ASPH: variants seen among roughly 807,000 people sequenced by gnomAD.
ASPH encodes the protein aspartate beta-hydroxylase.
Under a neutral mutation model 118.4 loss-of-function variants are expected in ASPH, and 100 were observed. The observed-to-expected ratio is 0.84, with a 90% CI of 0.72 to 1.00. The LOEUF is 1.00. Among genes scored for constraint, ASPH ranks in the 50% least tolerant of loss-of-function variants. The pLI, the probability that ASPH is intolerant of heterozygous loss-of-function variation, is 0.00. For missense variants in ASPH, 920 were observed against 919.5 expected (o/e 1.00, Z -0.01); for synonymous variants, 315 against 325.6 (o/e 0.97, Z 0.35).
intron 1 of ASPH, among the ~76,000 whole-genome samples, chr8:61,700,124 G>A (rs1489183863): frequency 2.0e-5 from 3 of 152,226 alleles, no homozygotes; most frequent in African/African-American, 7.2e-5. Context: ...AGGCCCAGGG[G>A]ATTGAGGGTG....
At chr8:61,648,558 GA>G (rs1809249522) in intron 5 of ASPH, among the ~76,000 whole-genome samples, 1 of 152,082 alleles carries the variant, frequency 6.6e-6, no homozygotes, top group Non-Finnish European at 1.5e-5. Flanking sequence ...TCTATCCAGT[GA>G]AATCTGATGA....
intron 13 of ASPH, among the ~76,000 whole-genome samples, chr8:61,629,605 C>G (rs967343360): frequency 6.6e-6 from 1 of 152,200 alleles, no homozygotes; most frequent in Admixed American, 6.5e-5. Flanking sequence ...ACAGCACTTA[C>G]AAATTTATAA....
At chr8:61,576,650 A>G in intron 16 of ASPH, 122 bp downstream of exon 16, 1 of 789,618 alleles carries the variant, frequency 1.3e-6, no homozygotes, top group Non-Finnish European at 2.0e-6. Context: ...GCTTATGCAT[A>G]TACATGAGAA....
intron 18 of ASPH, among the ~76,000 whole-genome samples, chr8:61,558,934 A>G (rs1828849290): frequency 6.6e-6 from 1 of 152,104 alleles, no homozygotes; most frequent in South Asian, 2.1e-4. Context: ...TCCTCGGCCT[A>G]GTTAAGGTGA....
At position 61,501,197 on chromosome 8, in the gene ASPH, CATAGATAGGTAAGA is replaced by C. The variant is rs1292004529; in HGVS notation, c.*2148_*2161del. On this transcript the variant is annotated 3_prime_UTR_variant, in exon 25 of 25. Transcript: ENST00000379454. ...GAAACACTTTTCTTATGTACCAAGA[CATAGATAGGTAAGA>C]GAAATAAAGAATTGAAGTGAATTAG... is the stretch of plus-strand genomic sequence containing the variant. 6.6e-6 allele frequency: 1 copy of C among 152,046 alleles called. No homozygotes were observed. The highest frequency in any genetic ancestry group is 1.5e-5 in the Non-Finnish European group (1 of 67,990). 9.4% of individuals were successfully genotyped at this position (152,046 alleles called of 1,614,324 possible). A position where few individuals can be genotyped will look rare whatever the true frequency, so the allele number is the denominator to read the frequency against.
intron 24 of ASPH, among the ~76,000 whole-genome samples, chr8:61,509,750 C>T (rs1212854072): frequency 5.9e-5 from 9 of 152,070 alleles, no homozygotes; most frequent in African/African-American, 2.2e-4. Context: ...TTTCCCCTAC[C>T]TCTCCAGTTC....
intron 1 of ASPH, among the ~76,000 whole-genome samples, chr8:61,706,427 AAAGAAGAAG>A (rs1215822515): frequency 2.4e-3 from 209 of 86,130 alleles, no homozygotes; most frequent in Non-Finnish European, 3.7e-3. Flanking sequence ...AAAAAAAAAA[AAAGAAGAAG>A]AAGAAGAAGA....
chr8:61,574,266 C>A (rs112883838), intron 16 of ASPH, among the ~76,000 whole-genome samples: 11,541 of 152,134 alleles, frequency 0.076, 1,221 homozygotes, highest in African/African-American at 0.24. Flanking sequence ...TAAATTAGTT[C>A]GACCATTGTG....
chr8:61,506,807 A>G (rs1462206909), intron 24 of ASPH, among the ~76,000 whole-genome samples: 1 of 152,234 alleles, frequency 6.6e-6, no homozygotes, highest in Non-Finnish European at 1.5e-5. Flanking sequence ...GTGGTATGTT[A>G]TCAAAAATGA....
At chr8:61,609,147 TA>T (rs1389851925) in intron 14 of ASPH, among the ~76,000 whole-genome samples, 1 of 152,170 alleles carries the variant, frequency 6.6e-6, no homozygotes, top group Non-Finnish European at 1.5e-5. Context: ...CATGCCCTGC[TA>T]CCTTCATCCT....
chr8:61,663,526 A>G lies in ASPH; in HGVS notation c.323-9866T>C. On this transcript the variant is annotated intron_variant, in intron 3 of 24. Transcript: ENST00000379454. ...CTTAGGAAGTGAGCTAAGAGGAAAA[A>G]GAACTCTGATTCCAGGTCTAGACTT... 3 of 985,414 alleles carry G rather than the reference A, an allele frequency of 3.0e-6. No homozygotes were observed. In the South Asian group the frequency reaches 1.4e-4, roughly 46 times the overall value. The allele number at this position is 985,414 out of a possible 1,614,324, so 61.0% of individuals were successfully genotyped here.
intron 13 of ASPH, among the ~76,000 whole-genome samples, chr8:61,620,441 C>A (rs1377761312): frequency 1.3e-5 from 2 of 151,660 alleles, no homozygotes; most frequent in African/African-American, 2.4e-5. Flanking sequence ...ATAGGGTTTA[C>A]AGCACATACC....
chr8:61,675,895 G>T, intron 3 of ASPH: 1 of 1,400,562 alleles, frequency 7.1e-7, no homozygotes, highest in Non-Finnish European at 9.3e-7. Flanking sequence ...GAAGTTGGGG[G>T]AGCTGAGCGA....
chr8:61,653,562 G>A lies in ASPH; in HGVS notation c.415+6C>T. ...GGGCGAGACTCGAGGATGAGGACAA[G>A]CTTACCTGCCTCCACAGGAACCTGC... On this transcript the variant is annotated splice_donor_region_variant and intron_variant, in intron 4 of 24. Transcript: ENST00000379454. The A allele has an allele frequency of 6.2e-7, 1 of 1,613,518 alleles. No individual in the cohort carries two copies. The highest frequency in any genetic ancestry group is 2.2e-5 in the East Asian group (1 of 44,820).
chr8:61,600,568 A>T (rs1843692490), intron 14 of ASPH, among the ~76,000 whole-genome samples: 1 of 151,452 alleles, frequency 6.6e-6, no homozygotes, highest in Non-Finnish European at 1.5e-5. Context: ...AATCAGTAGC[A>T]TTTCTATACA....
chr8:61,658,252 C>T (rs1486936070), intron 3 of ASPH: 3 of 152,100 alleles, frequency 2.0e-5, no homozygotes, highest in Non-Finnish European at 2.9e-5. Flanking sequence ...TCAAAGCTGC[C>T]CCATGATATG....
intron 14 of ASPH, among the ~76,000 whole-genome samples, chr8:61,610,824 G>A (rs180942131): frequency 6.6e-6 from 1 of 152,258 alleles, no homozygotes; most frequent in Admixed American, 6.5e-5. Flanking sequence ...CTAAAGACAA[G>A]GCTAAAGCAT....
At chr8:61,559,941 TGGG>T (rs11345037) in intron 18 of ASPH, among the ~76,000 whole-genome samples, 6 of 151,968 alleles carry the variant, frequency 3.9e-5, no homozygotes, top group East Asian at 3.9e-4. Context: ...TGGTGAGGGT[TGGG>T]GGGGGGAGCA....
At chr8:61,624,882 C>T in intron 13 of ASPH, 1 of 985,580 alleles carries the variant, frequency 1.0e-6, no homozygotes, top group Non-Finnish European at 1.2e-6. Context: ...ACCGACAGCA[C>T]AGCTTTAGAA....
Sources: allele counts gnomAD v4.1 joint callset (sites outside exome capture counted in the v4.1 genomes callset), GRCh38; gene constraint gnomAD v4.1.1; transcripts MANE v1.5; gene names NCBI Gene and HGNC (gene_info 2026-07-23, HGNC 2026-07-21).